NXPE4: variants seen among roughly 807,000 people sequenced by gnomAD.
NXPE4 encodes the protein NXPE family member 4.
A neutral mutation model predicts 33.3 loss-of-function variants in NXPE4; 42 were observed. The observed-to-expected ratio is 1.26, with a 90% CI of 0.98 to 1.63. NXPE4 has a LOEUF of 1.63. NXPE4 is among the 40% of genes most tolerant of loss of function. The probability of loss-of-function intolerance (pLI) is 0.00; values close to 1 mark genes in which losing one functional copy is unlikely to be tolerated. For missense variants in NXPE4, 709 were observed against 647.6 expected, an observed-to-expected ratio of 1.09 and a Z score of -1.03; for synonymous variants, 253 against 234.9, an observed-to-expected ratio of 1.08 and a Z score of -0.71.
At chr11:114,637,152 T>C in the NXPE4 span, among the ~76,000 whole-genome samples, 4 of 151,894 alleles carry the variant, frequency 2.6e-5, no homozygotes, top group East Asian at 7.7e-4. Flanking sequence ...TGCTCCTGTA[T>C]TGGGTCCATA....
intron 2 of NXPE4, among the ~76,000 whole-genome samples, chr11:114,590,423 T>G (rs573516887): frequency 2.6e-5 from 4 of 152,178 alleles, no homozygotes; most frequent in African/African-American, 7.2e-5. Context: ...GACAAGATTT[T>G]GGGGCATTAC....
In NXPE4 at chr11:114,571,145, G is replaced by A. The variant is rs2135167950; in HGVS notation, c.1428C>T (p.Asn476=). The A allele has an allele frequency of 6.2e-7, 1 of 1,613,958 alleles. No homozygotes were observed. Among genetic ancestry groups the A allele is most frequent in the East Asian group, 2.2e-5 (1 of 44,878 alleles). ...CTGCATCATTGTACATCTCCCTGATGTTTTCTGTTTTGATGATAACCATAG... is the reference window on the plus strand; with the variant it reads ...CTGCATCATTGTACATCTCCCTGATATTTTCTGTTTTGATGATAACCATAG... ...PDTMVIIKTE[N]IREMYNDAER... is the part of the protein sequence containing the mutation. The change falls in exon 6 of 6, where the codon AAC becomes AAT. Residue 476 remains asparagine (N), a synonymous_variant. Coordinates refer to ENST00000375478, the MANE Select transcript of NXPE4 (RefSeq NM_001077639.2).
chr11:114,628,042 G>C, the NXPE4 span, among the ~76,000 whole-genome samples: 1 of 150,910 alleles, frequency 6.6e-6, no homozygotes, highest in Non-Finnish European at 1.5e-5. Flanking sequence ...GACCTACAAA[G>C]AGACTTAGAC....
the NXPE4 span, among the ~76,000 whole-genome samples, chr11:114,658,017 G>T: frequency 6.6e-6 from 1 of 152,084 alleles, no homozygotes; most frequent in Non-Finnish European, 1.5e-5. Context: ...ATATTTCCTG[G>T]TCTAAGGACC....
At chr11:114,655,609 A>G in the NXPE4 span, among the ~76,000 whole-genome samples, 1 of 152,084 alleles carries the variant, frequency 6.6e-6, no homozygotes, top group Non-Finnish European at 1.5e-5. Context: ...TGTTTTTGTC[A>G]GGTTTGAGGA....
At chr11:114,632,583 T>G in the NXPE4 span, among the ~76,000 whole-genome samples, 6 of 111,044 alleles carry the variant, frequency 5.4e-5, no homozygotes, top group Admixed American at 4.2e-4. Context: ...ATCATATATT[T>G]ATTGTATATT....
the NXPE4 span, among the ~76,000 whole-genome samples, chr11:114,646,750 G>A: frequency 6.6e-6 from 1 of 152,086 alleles, no homozygotes; most frequent in East Asian, 1.9e-4. Flanking sequence ...AATATAATAA[G>A]TTTTGTCTTT....
At chr11:114,657,853 C>A in the NXPE4 span, among the ~76,000 whole-genome samples, 5 of 152,252 alleles carry the variant, frequency 3.3e-5, no homozygotes, top group African/African-American at 1.2e-4. Context: ...ATTTTACAGA[C>A]TGAGCAAAAT....
the NXPE4 span, among the ~76,000 whole-genome samples, chr11:114,601,867 ATATATATTATATATAAT>A: frequency 5.1e-4 from 2 of 3,904 alleles, no homozygotes; most frequent in South Asian, 0.022. Flanking sequence ...ATATACAATT[ATATATATTATATATAAT>A]TATATATTAT....
the NXPE4 span, among the ~76,000 whole-genome samples, chr11:114,625,494 T>C: frequency 3.9e-5 from 6 of 152,168 alleles, no homozygotes; most frequent in Non-Finnish European, 8.8e-5. Context: ...TATGGCCTCG[T>C]GGGTAACCAC....
chr11:114,641,732 C>A, the NXPE4 span, among the ~76,000 whole-genome samples: 2 of 152,126 alleles, frequency 1.3e-5, 1 homozygote, highest in Admixed American at 1.3e-4. Context: ...TTAGAGCACA[C>A]TGAAAGTGGG....
the NXPE4 span, among the ~76,000 whole-genome samples, chr11:114,619,794 G>T: frequency 1.3e-5 from 2 of 151,776 alleles, no homozygotes; most frequent in African/African-American, 4.8e-5. Context: ...GTAATGCCTC[G>T]TGAGTAACCA....
chr11:114,662,060 A>G, the NXPE4 span, among the ~76,000 whole-genome samples: 1 of 152,176 alleles, frequency 6.6e-6, no homozygotes, highest in Non-Finnish European at 1.5e-5. Flanking sequence ...AACTATCGAC[A>G]CAAAAGAAGC....
chr11:114,610,517 A>G, the NXPE4 span, among the ~76,000 whole-genome samples: 1 of 151,734 alleles, frequency 6.6e-6, no homozygotes, highest in Non-Finnish European at 1.5e-5. Context: ...CCTCATGTGT[A>G]ACCACTGTTA....
the NXPE4 span, among the ~76,000 whole-genome samples, chr11:114,649,456 T>C: frequency 2.7e-3 from 417 of 152,296 alleles, no homozygotes; most frequent in African/African-American, 9.3e-3. Flanking sequence ...CTCACAACTA[T>C]TATGCTCAGT....
the NXPE4 span, among the ~76,000 whole-genome samples, chr11:114,622,739 C>T: frequency 6.6e-6 from 1 of 151,338 alleles, no homozygotes; most frequent in Non-Finnish European, 1.5e-5. Flanking sequence ...TGTGTAACCA[C>T]TGTTACCCAG....
intron 3 of NXPE4, 101 bp downstream of exon 3, chr11:114,582,187 G>T: frequency 7.7e-7 from 1 of 1,291,010 alleles, no homozygotes; most frequent in Non-Finnish European, 1.1e-6. Flanking sequence ...TCTTACTAAA[G>T]ACACCCAAAA....
chr11:114,667,018 C>T, the NXPE4 span, among the ~76,000 whole-genome samples: 9,765 of 152,188 alleles, frequency 0.064, 333 homozygotes, highest in South Asian at 0.1. Flanking sequence ...ATCTAACGTC[C>T]TCACTTTTAA....
chr11:114,624,429 A>G, the NXPE4 span, among the ~76,000 whole-genome samples: 4 of 152,136 alleles, frequency 2.6e-5, no homozygotes, highest in Non-Finnish European at 4.4e-5. Flanking sequence ...CCCACTGGAT[A>G]ATAATTATTG....
Sources: gnomAD v4.1 joint callset for allele counts (sites outside exome capture counted in the v4.1 genomes callset) on GRCh38, gnomAD v4.1.1 for gene constraint, MANE v1.5 for transcripts, NCBI Gene and HGNC (gene_info 2026-07-23, HGNC 2026-07-21) for gene names.